The following DLG2 variants were observed in gnomAD, a reference collection of about 807,000 sequenced individuals.
DLG2 encodes disks large homolog 2.
A neutral mutation model predicts 132.5 loss-of-function variants in DLG2; 45 were observed. The observed-to-expected ratio is 0.34, with a 90% CI of 0.27 to 0.44. The LOEUF (loss-of-function observed/expected upper bound fraction) is 0.44. Among genes scored for constraint, DLG2 ranks in the 20% least tolerant of loss-of-function variants. DLG2 has a pLI of 1.00. For missense variants in DLG2, 1,045 were observed against 1,196.9 expected, an observed-to-expected ratio of 0.87 and a Z score of 1.87; for synonymous variants, 424 against 419.6, an observed-to-expected ratio of 1.01 and a Z score of -0.13.
chr11:84,186,513 T>A (rs954312144), intron 8 of DLG2, among the ~76,000 whole-genome samples: 2 of 151,986 alleles, frequency 1.3e-5, no homozygotes, highest in Admixed American at 1.3e-4. Context: ...ATAGTAATAC[T>A]ATATAATAGG....
chr11:84,187,801 A>G (rs1174065694), intron 8 of DLG2, among the ~76,000 whole-genome samples: 1 of 152,110 alleles, frequency 6.6e-6, no homozygotes, highest in Non-Finnish European at 1.5e-5. Flanking sequence ...CCATTAATCA[A>G]TAGAACAGGA....
intron 21 of DLG2, among the ~76,000 whole-genome samples, chr11:83,515,372 T>C (rs2095254151): frequency 6.6e-6 from 1 of 152,194 alleles, no homozygotes; most frequent in South Asian, 2.1e-4. Flanking sequence ...TCGGTGGTGA[T>C]ATCCCCTTTA....
At position 85,011,253 on chromosome 11, in the gene DLG2, T is replaced by C. The variant is rs79691983; in HGVS notation, c.357+100408A>G. 3.6e-3 allele frequency among the ~76,000 whole-genome samples: 547 copies of C among 152,288 alleles called. 22 individuals are homozygous for C. In the East Asian group the frequency reaches 0.091, roughly 25 times the overall value. ...AGACAGTAAATGCCAGAATTGTGACTATTTAGTGCTTTTTCCATAATAACA... is the reference window on the plus strand; with the variant it reads ...AGACAGTAAATGCCAGAATTGTGACCATTTAGTGCTTTTTCCATAATAACA... On this transcript the variant is annotated intron_variant, in intron 6 of 27. Transcript: ENST00000376104.
chr11:84,308,105 A>T (rs572241170), intron 7 of DLG2, among the ~76,000 whole-genome samples: 235 of 152,216 alleles, frequency 1.5e-3, no homozygotes, highest in Non-Finnish European at 1.7e-3. Context: ...TGGCTCTGGG[A>T]GCAGCCTGCT....
chr11:84,164,468 C>T (rs1807159343), intron 8 of DLG2, among the ~76,000 whole-genome samples: 1 of 152,176 alleles, frequency 6.6e-6, no homozygotes, highest in South Asian at 2.1e-4. Flanking sequence ...TTCTAACTTA[C>T]ATTTACTTTT....
intron 3 of DLG2, among the ~76,000 whole-genome samples, chr11:85,334,001 G>A (rs2152844406): frequency 6.6e-6 from 1 of 152,180 alleles, no homozygotes; most frequent in African/African-American, 2.4e-5. Flanking sequence ...GTTTCAGTAG[G>A]ATTTGTACCA....
In DLG2 at chr11:83,572,734, G is replaced by A. The variant is rs376498149; in HGVS notation, c.1941-30876C>T. Among the ~76,000 whole-genome samples the A allele has an allele frequency of 2.8e-3, 419 of 152,274 alleles. 2 individuals carry two copies. The highest frequency in any genetic ancestry group is 9.6e-3 in the African/African-American group (400 of 41,560). Reference sequence around the variant, plus strand: ...GCTGGAGCATCTGCTGAGGTGGAGAGGCAGCTCACTCCTTAGTGAGGCAAC... The same window carrying A: ...GCTGGAGCATCTGCTGAGGTGGAGAAGCAGCTCACTCCTTAGTGAGGCAAC... On this transcript the variant is annotated intron_variant, in intron 19 of 27. Coordinates refer to ENST00000376104, the MANE Select transcript of DLG2 (RefSeq NM_001142699.3).
At chr11:85,214,539 C>T (rs1383555389) in intron 4 of DLG2, among the ~76,000 whole-genome samples, 2 of 152,148 alleles carry the variant, frequency 1.3e-5, no homozygotes, top group African/African-American at 4.8e-5. Context: ...ACTCATCTGA[C>T]ACTACTCTCA....
chr11:83,772,466 GAGGAAGGA>G (rs1229463616), intron 18 of DLG2, among the ~76,000 whole-genome samples: 1 of 130,854 alleles, frequency 7.6e-6, no homozygotes, highest in Non-Finnish European at 1.6e-5. Flanking sequence ...GGGAGGGAGG[GAGGAAGGA>G]AGGAAGGAAG....
chr11:83,702,840 T>C (rs938594649), intron 18 of DLG2, among the ~76,000 whole-genome samples: 2 of 152,240 alleles, frequency 1.3e-5, no homozygotes, highest in Non-Finnish European at 2.9e-5. Context: ...ATGCTAATAA[T>C]GAAACTTGCT....
rs543867807 is a variant in DLG2, at chr11:85,494,244, C to A, written c.40+104413G>T. Among the ~76,000 whole-genome samples the A allele has an allele frequency of 4.7e-4, 72 of 152,298 alleles. 1 individual carries two copies. The highest frequency in any genetic ancestry group is 1.6e-3 in the African/African-American group (66 of 41,558). On this transcript the variant is annotated intron_variant, in intron 3 of 27. Coordinates refer to ENST00000376104, the MANE Select transcript of DLG2 (RefSeq NM_001142699.3). The stretch of plus-strand genomic sequence containing the variant: ...AAACCTTACTGTCTTTTATTTTACT[C>A]TGCTTTAATTTCCTTTATAACATGT...
At chr11:84,152,953 A>C (rs1265551645) in intron 9 of DLG2, among the ~76,000 whole-genome samples, 1 of 152,142 alleles carries the variant, frequency 6.6e-6, no homozygotes, top group African/African-American at 2.4e-5. Context: ...TGTGCTATGC[A>C]CTTAAGTGTG....
At chr11:84,849,083 G>T (rs554166098) in intron 6 of DLG2, among the ~76,000 whole-genome samples, 1 of 152,262 alleles carries the variant, frequency 6.6e-6, no homozygotes, top group Admixed American at 6.5e-5. Flanking sequence ...GTCACATGGA[G>T]AAACAAGTGG....
At chr11:84,445,168 A>T (rs2099029810) in intron 7 of DLG2, among the ~76,000 whole-genome samples, 1 of 152,118 alleles carries the variant, frequency 6.6e-6, no homozygotes, top group East Asian at 1.9e-4. Flanking sequence ...CCACCAAATC[A>T]GTCATTATTA....
chr11:85,080,347 A>T (rs2067081970), intron 6 of DLG2, among the ~76,000 whole-genome samples: 1 of 152,114 alleles, frequency 6.6e-6, no homozygotes, highest in South Asian at 2.1e-4. Flanking sequence ...TAGAATTAGC[A>T]ATGTTTTTTA....
chr11:85,586,014 A>G (rs7113528), intron 3 of DLG2, among the ~76,000 whole-genome samples: 40,862 of 151,886 alleles, frequency 0.27, 6,134 homozygotes, highest in African/African-American at 0.38. Context: ...TCCACACCCA[A>G]CCTGTATCAC....
intron 4 of DLG2, among the ~76,000 whole-genome samples, chr11:85,165,279 T>C (rs1395896882): frequency 6.6e-6 from 1 of 152,202 alleles, no homozygotes; most frequent in Non-Finnish European, 1.5e-5. Context: ...CTTCTAAATG[T>C]TGACAACATA....
intron 3 of DLG2, among the ~76,000 whole-genome samples, chr11:85,587,078 AT>A (rs745641305): frequency 6.6e-6 from 1 of 151,790 alleles, no homozygotes; most frequent in Non-Finnish European, 1.5e-5. Context: ...TATTATTTTG[AT>A]TTTCTTAAAT....
intron 18 of DLG2, among the ~76,000 whole-genome samples, chr11:83,664,232 G>C (rs868218365): frequency 1.3e-5 from 2 of 152,148 alleles, no homozygotes; most frequent in African/African-American, 4.8e-5. Context: ...AAGCCAACAA[G>C]GCTCTCCAGT....
Sources: gnomAD v4.1 joint callset for allele counts (sites outside exome capture counted in the v4.1 genomes callset) on GRCh38, gnomAD v4.1.1 for gene constraint, MANE v1.5 for transcripts, NCBI Gene and HGNC (gene_info 2026-07-23, HGNC 2026-07-21) for gene names.